Variants in NELL1 observed in about 807,000 individuals in gnomAD.
NELL1 encodes protein kinase C-binding protein NELL1.
A neutral mutation model predicts 107.4 loss-of-function variants in NELL1; 76 were observed. That is an observed-to-expected ratio of 0.71 (90% confidence interval 0.59 to 0.86). The LOEUF (loss-of-function observed/expected upper bound fraction) is 0.86, where lower values mean the gene tolerates loss of function less well. Among genes scored for constraint, NELL1 ranks in the 40% least tolerant of loss-of-function variants. NELL1 has a pLI of 0.00. For missense variants in NELL1, 1,024 were observed against 1,005.5 expected, an observed-to-expected ratio of 1.02 and a Z score of -0.25; for synonymous variants, 353 against 341.2, an observed-to-expected ratio of 1.03 and a Z score of -0.38.
intron 14 of NELL1, among the ~76,000 whole-genome samples, chr11:21,319,872 C>T (rs1294208364): frequency 6.6e-6 from 1 of 151,962 alleles, no homozygotes; most frequent in Admixed American, 6.6e-5. Flanking sequence ...ATCTGTCAGC[C>T]TTATGACCTG....
intron 2 of NELL1, among the ~76,000 whole-genome samples, chr11:20,690,322 A>C (rs1235745491): frequency 2.6e-5 from 4 of 152,146 alleles, no homozygotes; most frequent in Admixed American, 2.0e-4. Flanking sequence ...TTTTGTTGCC[A>C]TTGCTTTTGG....
At chr11:21,437,757 T>C (rs563927660) in intron 15 of NELL1, among the ~76,000 whole-genome samples, 1 of 152,362 alleles carries the variant, frequency 6.6e-6, no homozygotes, top group African/African-American at 2.4e-5. Context: ...ATGGTATATC[T>C]CTTTCTGTTT....
intron 15 of NELL1, among the ~76,000 whole-genome samples, chr11:21,483,457 T>C (rs1854542313): frequency 6.6e-6 from 1 of 152,282 alleles, no homozygotes; most frequent in South Asian, 2.1e-4. Flanking sequence ...GGGTTAAATG[T>C]AGGTCTAGAT....
intron 4 of NELL1, among the ~76,000 whole-genome samples, chr11:20,854,148 A>G (rs1946514): frequency 0.96 from 146,759 of 152,250 alleles, 70,989 homozygotes; most frequent in East Asian, 1. Context: ...TGAGCAAAAT[A>G]TGTACTATTT....
intron 14 of NELL1, among the ~76,000 whole-genome samples, chr11:21,283,046 G>A (rs1259644851): frequency 6.6e-6 from 1 of 152,050 alleles, no homozygotes; most frequent in Admixed American, 6.6e-5. Flanking sequence ...GGGGAGTGTG[G>A]GGGAGGTGGG....
Position 20,995,422 on chromosome 11 carries a change from T to TA in NELL1, c.1300+34868dup, listed in dbSNP as rs541019123. Among the ~76,000 whole-genome samples, 9 of 151,970 alleles carry TA rather than the reference T, an allele frequency of 5.9e-5. No homozygotes were observed. The East Asian group carries it at 1.2e-3, about 20-fold the overall frequency. Reference sequence around the variant, plus strand: ...TGAAACCCCGTCTCTACTAAAAATATAAAAAATTAGCCGCACGTGGTGGCG... The same window carrying TA: ...TGAAACCCCGTCTCTACTAAAAATATAAAAAAATTAGCCGCACGTGGTGGCG... On this transcript the variant is annotated intron_variant, in intron 12 of 19. Coordinates refer to ENST00000357134, the MANE Select transcript of NELL1 (RefSeq NM_006157.5).
chr11:20,905,117 G>T (rs569946253), intron 5 of NELL1, among the ~76,000 whole-genome samples: 2 of 151,800 alleles, frequency 1.3e-5, no homozygotes, highest in African/African-American at 4.8e-5. Context: ...TGGGATTACA[G>T]GTGTGAGCCA....
At chr11:21,060,454 TG>T (rs1853712343) in intron 12 of NELL1, among the ~76,000 whole-genome samples, 1 of 152,194 alleles carries the variant, frequency 6.6e-6, no homozygotes, top group South Asian at 2.1e-4. Context: ...ATCATTATTA[TG>T]GGGGATTGTC....
rs561921390 is a variant in NELL1, at chr11:21,428,313, T to G, written c.1645+57365T>G. The stretch of plus-strand genomic sequence containing the variant: ...GCAGAGTGTGGTCATCTATGAAAAG[T>G]AAAATTAATCAGCATTAGTACAAAT... On this transcript the variant is annotated intron_variant, in intron 15 of 19. Transcript: ENST00000357134. Among the ~76,000 whole-genome samples, 11 of 152,286 alleles carry G rather than the reference T, an allele frequency of 7.2e-5. No individual in the cohort carries two copies. The South Asian group carries it at 1.5e-3, about 20-fold the overall frequency.
chr11:21,136,476 T>C (rs1250628879), intron 13 of NELL1, among the ~76,000 whole-genome samples: 4 of 152,218 alleles, frequency 2.6e-5, no homozygotes, highest in Non-Finnish European at 5.9e-5. Flanking sequence ...ATGTATTTAG[T>C]AGCATTTCCT....
At chr11:21,502,128 A>G (rs186019596) in intron 15 of NELL1, among the ~76,000 whole-genome samples, 1 of 152,312 alleles carries the variant, frequency 6.6e-6, no homozygotes, top group Non-Finnish European at 1.5e-5. Context: ...TGATAGTATT[A>G]TAAATAATGG....
At chr11:21,159,833 G>A (rs1856323137) in intron 13 of NELL1, among the ~76,000 whole-genome samples, 1 of 152,144 alleles carries the variant, frequency 6.6e-6, no homozygotes, top group South Asian at 2.1e-4. Flanking sequence ...CCCCTTGCTT[G>A]TAATAGGGTC....
At chr11:20,874,951 C>T (rs1401532728) in intron 4 of NELL1, among the ~76,000 whole-genome samples, 1 of 152,208 alleles carries the variant, frequency 6.6e-6, no homozygotes, top group Non-Finnish European at 1.5e-5. Context: ...AACTGTTCAT[C>T]ACTTGATTTG....
At chr11:21,389,135 C>T (rs1851812354) in intron 15 of NELL1, among the ~76,000 whole-genome samples, 1 of 151,690 alleles carries the variant, frequency 6.6e-6, no homozygotes, top group African/African-American at 2.4e-5. Context: ...GGGTCTGTGC[C>T]AGCCACCATT....
At chr11:20,961,625 C>T (rs1851292550) in intron 12 of NELL1, among the ~76,000 whole-genome samples, 2 of 151,940 alleles carry the variant, frequency 1.3e-5, no homozygotes. Flanking sequence ...CATAGTTGAC[C>T]CTCGAACAAC....
chr11:21,502,021 T>C (rs1171041202), intron 15 of NELL1, among the ~76,000 whole-genome samples: 2 of 152,194 alleles, frequency 1.3e-5, no homozygotes, highest in African/African-American at 4.8e-5. Context: ...TGCTCATATG[T>C]ATTGTCAGGA....
At chr11:20,774,174 CT>C (rs1856701171) in intron 2 of NELL1, among the ~76,000 whole-genome samples, 1 of 87,356 alleles carries the variant, frequency 1.1e-5, no homozygotes, top group Non-Finnish European at 2.4e-5. Flanking sequence ...CTCCCCTCCC[CT>C]CCCATCCCCT....
chr11:21,348,922 G>C (rs1452632972), intron 14 of NELL1, among the ~76,000 whole-genome samples: 1 of 152,194 alleles, frequency 6.6e-6, no homozygotes, highest in Non-Finnish European at 1.5e-5. Context: ...GCTGGGGTCA[G>C]ATTATGAATG....
chr11:21,128,118 T>C (rs545222054), intron 13 of NELL1, among the ~76,000 whole-genome samples: 2 of 152,254 alleles, frequency 1.3e-5, no homozygotes, highest in East Asian at 1.9e-4. Context: ...ATGTTTTCTA[T>C]TTAGGGACAT....
Sources: gnomAD v4.1 joint callset for allele counts (sites outside exome capture counted in the v4.1 genomes callset) on GRCh38, gnomAD v4.1.1 for gene constraint, MANE v1.5 for transcripts, NCBI Gene and HGNC (gene_info 2026-07-23, HGNC 2026-07-21) for gene names.